RRAGD: variants seen among roughly 807,000 people sequenced by gnomAD.
RRAGD encodes the protein Ras related GTP binding D.
In RRAGD, 12 loss-of-function variants were observed where a neutral mutation model predicts 35.5. The observed-to-expected ratio is 0.34, with a 90% CI of 0.22 to 0.55. RRAGD has a LOEUF of 0.55. Ranked by LOEUF, RRAGD falls within the 20% of genes least tolerant of loss-of-function variation. The probability of loss-of-function intolerance (pLI) is 0.91; values close to 1 mark genes in which losing one functional copy is unlikely to be tolerated. For synonymous variants in RRAGD, 155 were observed against 178.9 expected (o/e 0.87, Z 1.07); for missense variants, 324 against 490.1 (o/e 0.66, Z 3.20).
Position 89,411,611 on chromosome 6 carries a change from C to T in RRAGD, c.148+235G>A. 3 of 555,674 alleles carry T rather than the reference C, an allele frequency of 5.4e-6. No homozygotes were observed. The highest frequency in any genetic ancestry group is 9.5e-6 in the Non-Finnish European group (3 of 314,474). 34.4% of individuals were successfully genotyped at this position (555,674 alleles called of 1,614,324 possible). On this transcript the variant is annotated intron_variant, in intron 1 of 6. Coordinates refer to ENST00000369415, the MANE Select transcript of RRAGD (RefSeq NM_021244.5). The surrounding 1 kb of genome is among the most constrained non-coding windows in gnomAD (Gnocchi z 5.6). ...GCTCCTCCAGCCCAGACGCTTACTC[C>T]CTCCTTCCCCTTTTCCACCGATCCT...
intron 1 of RRAGD, among the ~76,000 whole-genome samples, chr6:89,406,103 G>A (rs980627064): frequency 7.4e-5 from 11 of 148,254 alleles, no homozygotes; most frequent in Admixed American, 2.1e-4. Context: ...ATCCTCTCAA[G>A]TCACACTGGC....
Position 89,367,727 on chromosome 6 carries a change from A to G in RRAGD, c.*329T>C, listed in dbSNP as rs1199870568. The G allele has an allele frequency of 4.7e-6, 1 of 212,418 alleles. No homozygotes were observed. Among genetic ancestry groups the G allele is most frequent in the Non-Finnish European group, 9.2e-6 (1 of 108,416 alleles). The allele number at this position is 212,418 out of a possible 1,614,324, so 13.2% of individuals were successfully genotyped here. On this transcript the variant is annotated 3_prime_UTR_variant, in exon 7 of 7. Coordinates refer to ENST00000369415, the MANE Select transcript of RRAGD (RefSeq NM_021244.5). ...TAGAAAAGTCGTTTTATCAAAGTTC[A>G]GTTCAATGAGAAACATGAAAAAGTG...
chr6:89,368,192 T>C lies in RRAGD; in HGVS notation c.1067A>G (p.Asn356Ser). ...AATGGCCTTCCGGAAGCAATGAAAA[T>C]TATAGTCAATTAGCCCTGGAGAAGA... is the stretch of plus-strand genomic sequence containing the variant. ...SFERKGLIDY[N>S]FHCFRKAIHE... The change falls in exon 7 of 7, where the codon AAT becomes AGT. Residue 356 changes from asparagine (N) to serine (S), a missense_variant. This residue lies in a region of RRAGD where 68 missense variants were observed against 76.8 expected (regional missense o/e 0.89). Coordinates refer to ENST00000369415, the MANE Select transcript of RRAGD (RefSeq NM_021244.5). The C allele has an allele frequency of 6.2e-7, 1 of 1,613,268 alleles. No homozygotes were observed. The highest frequency in any genetic ancestry group is 2.2e-5 in the East Asian group (1 of 44,868).
chr6:89,369,304 C>T lies in RRAGD; in HGVS notation c.1052-1097G>A, dbSNP rs555376960. ...TAATAAAAACAAAGGAGCAAAGGAA[C>T]GATTTTTAAATGGCAATTTGAATAT... On this transcript the variant is annotated intron_variant, in intron 6 of 6. Coordinates refer to ENST00000369415, the MANE Select transcript of RRAGD (RefSeq NM_021244.5). Among the ~76,000 whole-genome samples, 110 of 152,194 alleles carry T rather than the reference C, an allele frequency of 7.2e-4. 1 individual carries two copies. Among genetic ancestry groups the T allele is most frequent in the Middle Eastern group, 6.8e-3 (2 of 294 alleles).
At chr6:89,409,674 C>A (rs955988283) in intron 1 of RRAGD, among the ~76,000 whole-genome samples, 2 of 152,334 alleles carry the variant, frequency 1.3e-5, no homozygotes, top group African/African-American at 4.8e-5. Flanking sequence ...CCATCAGGAG[C>A]AGTCCTCGCT....
chr6:89,370,527 T>C (rs1277410321), intron 6 of RRAGD, among the ~76,000 whole-genome samples: 3 of 152,230 alleles, frequency 2.0e-5, no homozygotes, highest in Admixed American at 2.0e-4. Context: ...GTAATATGCA[T>C]TAGAAGCCCC....
In RRAGD at chr6:89,395,969, C is replaced by CAA. The variant is rs5878095; in HGVS notation, c.149-8381_149-8380dup. Among the ~76,000 whole-genome samples the CAA allele has an allele frequency of 7.4e-3, 1,076 of 145,614 alleles. 7 individuals are homozygous for CAA. Among genetic ancestry groups the CAA allele is most frequent in the African/African-American group, 0.019 (777 of 39,928 alleles). On this transcript the variant is annotated intron_variant, in intron 1 of 6. Coordinates refer to ENST00000369415, the MANE Select transcript of RRAGD (RefSeq NM_021244.5). Reference sequence around the variant, plus strand: ...ATGGACCAACTGGACATCCATATGCCAAAAAAAAAAAAAATTCAACTCACA... The same window carrying CAA: ...ATGGACCAACTGGACATCCATATGCCAAAAAAAAAAAAAAAATTCAACTCACA...
chr6:89,408,193 A>G (rs1769621959), intron 1 of RRAGD, among the ~76,000 whole-genome samples: 1 of 152,094 alleles, frequency 6.6e-6, no homozygotes, highest in Non-Finnish European at 1.5e-5. Context: ...TTACATTTCC[A>G]TATACTTGAT....
At chr6:89,398,221 A>G (rs76639375) in intron 1 of RRAGD, among the ~76,000 whole-genome samples, 11,016 of 152,078 alleles carry the variant, frequency 0.072, 461 homozygotes, top group Non-Finnish European at 0.085. Flanking sequence ...GAAGTATGGG[A>G]AAACGTTTGG....
In RRAGD at chr6:89,411,863, CTG is replaced by C; in HGVS notation, c.129_130del (p.Asp43GlufsTer12). 2 of 1,551,248 alleles carry C rather than the reference CTG, an allele frequency of 1.3e-6. No individual in the cohort carries two copies. The highest frequency in any genetic ancestry group is 1.7e-6 in the Non-Finnish European group (2 of 1,150,838). On this transcript the variant is annotated frameshift_variant, in exon 1 of 7. Transcript: ENST00000369415. LOFTEE classifies it high-confidence loss of function. This position sits in a 1 kb window ranked among gnomAD's most constrained non-coding sequence, Gnocchi z 5.6. The stretch of plus-strand genomic sequence containing the variant: ...GCGCTCACCTCCCTCCTCTGTGCCG[CTG>C]TCCGGATCGGCGTCGGAGGAGTCGG...
chr6:89,397,520 C>A lies in RRAGD; in HGVS notation c.149-9930G>T, dbSNP rs574287652. On this transcript the variant is annotated intron_variant, in intron 1 of 6. Transcript: ENST00000369415. ...TCGGGAGGCTGAGGCAGGAGAATGG[C>A]GTGAACCCGGGAGGCGGAGCTTGCA... Among the ~76,000 whole-genome samples the A allele has an allele frequency of 6.6e-5, 10 of 151,956 alleles. No individual in the cohort carries two copies. In the South Asian group the frequency reaches 2.1e-3, roughly 32 times the overall value.
chr6:89,408,993 C>T (rs1280319170), intron 1 of RRAGD, among the ~76,000 whole-genome samples: 1 of 151,980 alleles, frequency 6.6e-6, no homozygotes, highest in Admixed American at 6.6e-5. Flanking sequence ...TGAGAGGTGC[C>T]CAAATCTGCC....
At chr6:89,409,682 G>C (rs1202237497) in intron 1 of RRAGD, among the ~76,000 whole-genome samples, 1 of 152,148 alleles carries the variant, frequency 6.6e-6, no homozygotes, top group Non-Finnish European at 1.5e-5. Context: ...AGCAGTCCTC[G>C]CTGGAATTGC....
intron 3 of RRAGD, 120 bp downstream of exon 3, chr6:89,380,048 T>A (rs536640335): frequency 2.4e-6 from 2 of 821,978 alleles, no homozygotes; most frequent in African/African-American, 1.7e-5. Context: ...ATCTACAGCA[T>A]GAAACAGGGT....
intron 5 of RRAGD, among the ~76,000 whole-genome samples, chr6:89,373,640 A>T (rs903977803): frequency 7.9e-5 from 12 of 151,378 alleles, no homozygotes; most frequent in Non-Finnish European, 1.5e-4. Flanking sequence ...AAAAAAAGAT[A>T]TATAGGTCTA....
chr6:89,391,679 A>AT (rs1401454598), intron 1 of RRAGD, among the ~76,000 whole-genome samples: 2 of 152,166 alleles, frequency 1.3e-5, no homozygotes, highest in Non-Finnish European at 2.9e-5. Flanking sequence ...TTTGCCAGGC[A>AT]TGGTGGCTCA....
chr6:89,406,694 G>T (rs1012601159), intron 1 of RRAGD, among the ~76,000 whole-genome samples: 2 of 152,150 alleles, frequency 1.3e-5, no homozygotes, highest in African/African-American at 4.8e-5. Context: ...GTACACCAAG[G>T]CAAGAACCCA....
chr6:89,380,912 GAAAA>G (rs60978384), intron 2 of RRAGD, among the ~76,000 whole-genome samples: 1 of 136,776 alleles, frequency 7.3e-6, no homozygotes, highest in Non-Finnish European at 1.6e-5. Context: ...GTCACAAAAA[GAAAA>G]AAAAAAAAAA....
chr6:89,406,856 C>T (rs1057316764), intron 1 of RRAGD, among the ~76,000 whole-genome samples: 1 of 151,990 alleles, frequency 6.6e-6, no homozygotes, highest in African/African-American at 2.4e-5. Flanking sequence ...TAGACACTGT[C>T]GTGGGATCAG....
Sources: allele counts gnomAD v4.1 joint callset (sites outside exome capture counted in the v4.1 genomes callset), GRCh38; gene constraint gnomAD v4.1.1; regional missense constraint gnomAD v4.1.1; non-coding constraint Gnocchi (gnomAD v3.1); transcripts MANE v1.5; gene names NCBI Gene and HGNC (gene_info 2026-07-23, HGNC 2026-07-21).